The following ADAMTS12 variants were observed in gnomAD, a reference collection of about 807,000 sequenced individuals.
The protein encoded by ADAMTS12 is A disintegrin and metalloproteinase with thrombospondin motifs 12.
Under a neutral mutation model 167.8 loss-of-function variants are expected in ADAMTS12, and 118 were observed. That is an observed-to-expected ratio of 0.70 (90% CI 0.61 to 0.82). ADAMTS12 has a LOEUF of 0.82. Ranked by LOEUF, ADAMTS12 falls within the 40% of genes least tolerant of loss-of-function variation. The pLI is 0.00. For synonymous variants in ADAMTS12, 704 were observed against 716.9 expected (o/e 0.98, Z 0.29); for missense variants, 1,916 against 1,998.8 (o/e 0.96, Z 0.79).
chr5:33,557,951 G>A (rs1745560058), intron 20 of ADAMTS12, among the ~76,000 whole-genome samples: 1 of 151,972 alleles, frequency 6.6e-6, no homozygotes, highest in Non-Finnish European at 1.5e-5. Flanking sequence ...CACTTCTTAT[G>A]AAAATCTAGT....
chr5:33,576,907 G>A lies in ADAMTS12; in HGVS notation c.3119C>T (p.Ser1040Phe), dbSNP rs1186796161. The A allele has an allele frequency of 1.2e-6, 2 of 1,614,156 alleles. No individual in the cohort carries two copies. Among genetic ancestry groups the A allele is most frequent in the Non-Finnish European group, 8.5e-7 (1 of 1,180,024 alleles). The change falls in exon 19 of 24, where the codon TCT (serine) becomes TTT (phenylalanine). Residue 1040 changes from serine (S) to phenylalanine (F), a missense_variant. Transcript: ENST00000504830. The stretch of plus-strand genomic sequence containing the variant: ...GATTGCTGGAGTGCTTGTGCTCATA[G>A]ACTCAGGCCCTGTGGGTGTGGTCAG... Reference protein sequence around the residue: ...RMLTTPTGPESMSTSTPAISS... With the variant: ...RMLTTPTGPEFMSTSTPAISS...
At chr5:33,695,368 TTAAAGAGAGAGGGGAA>T (rs1370179180) in intron 3 of ADAMTS12, among the ~76,000 whole-genome samples, 1 of 152,186 alleles carries the variant, frequency 6.6e-6, no homozygotes, top group Non-Finnish European at 1.5e-5. Context: ...ATTCTCTTTT[TTAAAGAGAGAGGGGAA>T]TAAATAGAGA....
chr5:33,813,071 T>C (rs1363354547), intron 2 of ADAMTS12, among the ~76,000 whole-genome samples: 2 of 152,222 alleles, frequency 1.3e-5, no homozygotes, highest in South Asian at 2.1e-4. Flanking sequence ...CTAATTCATA[T>C]TGAATTCCTA....
intron 3 of ADAMTS12, among the ~76,000 whole-genome samples, chr5:33,713,240 C>T (rs1743471824): frequency 6.6e-6 from 1 of 152,090 alleles, no homozygotes; most frequent in South Asian, 2.1e-4. Flanking sequence ...ATTGTTTTAT[C>T]AAGATTTTTT....
At chr5:33,599,058 C>A (rs1462602133) in intron 16 of ADAMTS12, among the ~76,000 whole-genome samples, 1 of 152,190 alleles carries the variant, frequency 6.6e-6, no homozygotes, top group Non-Finnish European at 1.5e-5. Context: ...GGCTTAGGTG[C>A]CACTCACATG....
chr5:33,634,163 G>A lies in ADAMTS12; in HGVS notation c.1889-3250C>T, dbSNP rs536220286. ...AGAATGAAAATATTTCTTAGGTAAG[G>A]AAAAGTTTTGATGCATTTCGTGTTT... On this transcript the variant is annotated intron_variant, in intron 12 of 23. Transcript: ENST00000504830. 7.2e-5 allele frequency among the ~76,000 whole-genome samples: 11 copies of A among 152,240 alleles called. No homozygotes were observed. The South Asian group carries it at 2.3e-3, about 32-fold the overall frequency.
intron 19 of ADAMTS12, among the ~76,000 whole-genome samples, chr5:33,569,154 C>T (rs1426762424): frequency 6.6e-6 from 1 of 152,272 alleles, no homozygotes; most frequent in African/African-American, 2.4e-5. Context: ...GTAGGCTCCA[C>T]TTCTGGGGGC....
intron 2 of ADAMTS12, among the ~76,000 whole-genome samples, chr5:33,838,037 A>T (rs1748601380): frequency 6.6e-6 from 1 of 152,156 alleles, no homozygotes. Flanking sequence ...ACTGTCATGA[A>T]GAATAGCACT....
chr5:33,612,389 C>T lies in ADAMTS12; in HGVS notation c.2527+1849G>A, dbSNP rs571122828. Among the ~76,000 whole-genome samples, 4 of 152,298 alleles carry T rather than the reference C, an allele frequency of 2.6e-5. No homozygotes were observed. The South Asian group carries it at 6.2e-4, about 24-fold the overall frequency. On this transcript the variant is annotated intron_variant, in intron 16 of 23. Transcript: ENST00000504830. ...GTCTTTTTATGATCACTGCACACAT[C>T]AGCCACTTATCTCTTGATTCCTGAT...
At chr5:33,730,320 GTC>G (rs57090120) in intron 3 of ADAMTS12, among the ~76,000 whole-genome samples, 7 of 140,670 alleles carry the variant, frequency 5.0e-5, no homozygotes, top group South Asian at 2.2e-4. Context: ...GTGTGTGTGT[GTC>G]TGTGTGTGTG....
intron 3 of ADAMTS12, among the ~76,000 whole-genome samples, chr5:33,741,248 A>G (rs1236786254): frequency 6.6e-6 from 1 of 152,126 alleles, no homozygotes; most frequent in Non-Finnish European, 1.5e-5. Context: ...CAAACCACAT[A>G]AACAGATTTT....
intron 2 of ADAMTS12, among the ~76,000 whole-genome samples, chr5:33,846,790 G>T (rs756629926): frequency 4.6e-5 from 7 of 152,136 alleles, no homozygotes; most frequent in Non-Finnish European, 5.9e-5. Context: ...GTTTGTCCCC[G>T]GAGGTTTGAA....
At position 33,824,372 on chromosome 5, in the gene ADAMTS12, G is replaced by A. The variant is rs554326286; in HGVS notation, c.489+56747C>T. Reference sequence around the variant, plus strand: ...AGAGCTGTGGGCCTCGAATGCCCTTGAAGGTAGGTTCCCTTCTATATTAAA... The same window carrying A: ...AGAGCTGTGGGCCTCGAATGCCCTTAAAGGTAGGTTCCCTTCTATATTAAA... On this transcript the variant is annotated intron_variant, in intron 2 of 23. Coordinates refer to ENST00000504830, the MANE Select transcript of ADAMTS12 (RefSeq NM_030955.4). Among the ~76,000 whole-genome samples the A allele has an allele frequency of 2.6e-5, 4 of 152,290 alleles. No homozygotes were observed. The East Asian group carries it at 7.7e-4, about 29-fold the overall frequency.
intron 17 of ADAMTS12, among the ~76,000 whole-genome samples, chr5:33,590,303 T>G (rs1747570179): frequency 6.6e-6 from 1 of 152,250 alleles, no homozygotes; most frequent in Non-Finnish European, 1.5e-5. Flanking sequence ...AGGGGACATA[T>G]TGCCTGTGAT....
intron 22 of ADAMTS12, among the ~76,000 whole-genome samples, chr5:33,540,597 G>A (rs1370766859): frequency 6.6e-6 from 1 of 152,200 alleles, no homozygotes; most frequent in Non-Finnish European, 1.5e-5. Flanking sequence ...GACCCTCTGG[G>A]ACGAAGCTTC....
In ADAMTS12 at chr5:33,751,455, A is replaced by G. The variant is rs1744974989; in HGVS notation, c.583T>C (p.Tyr195His). The G allele has an allele frequency of 1.9e-6, 3 of 1,614,174 alleles. No homozygotes were observed. The East Asian group carries it at 6.7e-5, about 36-fold the overall frequency. ...GTTTCTGGAACTTTCTGCCTCCTGT[A>G]AACGATGTGCGGGTGGTACCCTCCC... The part of the protein sequence containing the change: ...VEGGYHPHIV[Y>H]RRQKVPETKE... Residue 195 changes from tyrosine to histidine, a missense_variant, in exon 3 of 24, where the codon TAC becomes CAC. Physicochemically the swap from Tyr to His is moderately conservative, Grantham distance 83. Transcript: ENST00000504830.
At chr5:33,768,976 AT>A (rs1745644647) in intron 2 of ADAMTS12, among the ~76,000 whole-genome samples, 1 of 152,060 alleles carries the variant, frequency 6.6e-6, no homozygotes, top group African/African-American at 2.4e-5. Flanking sequence ...TCAGATAAGG[AT>A]TATCTGAAGG....
chr5:33,802,489 C>A (rs1346791792), intron 2 of ADAMTS12, among the ~76,000 whole-genome samples: 1 of 152,168 alleles, frequency 6.6e-6, no homozygotes, highest in East Asian at 1.9e-4. Flanking sequence ...GATGGACCAC[C>A]CACTGGTGCT....
At chr5:33,811,056 A>G (rs977685796) in intron 2 of ADAMTS12, among the ~76,000 whole-genome samples, 5 of 152,192 alleles carry the variant, frequency 3.3e-5, no homozygotes, top group Non-Finnish European at 5.9e-5. Context: ...AGACCAAAAT[A>G]TAAGTCTTGG....
Sources: allele counts gnomAD v4.1 joint callset (sites outside exome capture counted in the v4.1 genomes callset), GRCh38; gene constraint gnomAD v4.1.1; transcripts MANE v1.5; gene names NCBI Gene and HGNC (gene_info 2026-07-23, HGNC 2026-07-21).